MYLK3: variants seen among roughly 807,000 people sequenced by gnomAD.
MYLK3 encodes the protein myosin light chain kinase 3.
In MYLK3, 55 loss-of-function variants were observed where a neutral mutation model predicts 76.3. The observed-to-expected ratio is 0.72, with a 90% CI of 0.58 to 0.90. The LOEUF (loss-of-function observed/expected upper bound fraction) is 0.90, where lower values mean the gene tolerates loss of function less well. Ranked by LOEUF, MYLK3 falls within the 40% of genes least tolerant of loss-of-function variation. The pLI, the probability that MYLK3 is intolerant of heterozygous loss-of-function variation, is 0.00. For missense variants in MYLK3, 973 were observed against 1,053.6 expected (o/e 0.92, Z 1.06); for synonymous variants, 416 against 425.4 (o/e 0.98, Z 0.27).
intron 1 of MYLK3, among the ~76,000 whole-genome samples, chr16:46,758,982 A>AT (rs1967241957): frequency 6.6e-6 from 1 of 152,228 alleles, no homozygotes; most frequent in African/African-American, 2.4e-5. Context: ...CAGAAAGATG[A>AT]TAAAGCAACA....
intron 8 of MYLK3, among the ~76,000 whole-genome samples, chr16:46,725,586 A>G (rs1051185922): frequency 2.6e-5 from 4 of 152,190 alleles, no homozygotes; most frequent in African/African-American, 9.6e-5. Flanking sequence ...GTTGATTTTC[A>G]TATGTTAAAC....
intron 8 of MYLK3, chr16:46,726,594 A>G (rs1966840784): frequency 6.8e-6 from 1 of 147,244 alleles, no homozygotes; most frequent in African/African-American, 2.5e-5. Flanking sequence ...AGAGGAGAGA[A>G]GAGAGAGAGA....
chr16:46,730,730 T>C (rs1966850987), intron 4 of MYLK3, 32 bp from the exon 5 acceptor site: 2 of 1,594,652 alleles, frequency 1.3e-6, no homozygotes, highest in Non-Finnish European at 1.7e-6. Context: ...CCTGTGAGCC[T>C]CCTCTGTGCA....
intron 5 of MYLK3, 40 bp from the exon 6 acceptor site, chr16:46,729,727 G>A (rs1966848759): frequency 6.3e-7 from 1 of 1,575,706 alleles, no homozygotes; most frequent in South Asian, 1.1e-5. Flanking sequence ...AGAGCCCAGA[G>A]GCTCATCCCA....
In MYLK3 at chr16:46,747,734, C is replaced by A. The variant is rs1417866471; in HGVS notation, c.460G>T (p.Gly154Cys). The stretch of plus-strand genomic sequence containing the variant: ...GAACCAACCTCCTCAGGGCTGTCAC[C>A]TGGGCTGCCTCTCCTCCAGGGCACA... ...GRVPWRRGSP[G>C]DSPEENKERV... Residue 154 changes from glycine to cysteine, a missense_variant, in exon 1 of 13, where the codon GGT becomes TGT. Around this residue, in one of 2 missense-constraint regions of MYLK3, gnomAD observed 641 missense variants for 637.0 expected, o/e 1.01. Transcript: ENST00000394809. 1 of 1,613,774 alleles carries A rather than the reference C, an allele frequency of 6.2e-7. No homozygotes were observed. The highest frequency in any genetic ancestry group is 1.1e-5 in the South Asian group (1 of 91,034).
chr16:46,728,944 T>C, intron 7 of MYLK3, 80 bp downstream of exon 7: 3 of 1,029,998 alleles, frequency 2.9e-6, no homozygotes, highest in Non-Finnish European at 4.5e-6. Flanking sequence ...GAGAGAGGGC[T>C]TTGCCTCGAA....
rs1438501032 is a variant in MYLK3 at position 46,702,704 on chromosome 16, G to A, written c.*5000C>T. On this transcript the variant is annotated 3_prime_UTR_variant, in exon 13 of 13. Transcript: ENST00000394809. The stretch of plus-strand genomic sequence containing the variant: ...TGGGAGGCCGAGGTGGGCAGATCAC[G>A]AGGTCAAGAGATCGAGACCATCCTG... Among the ~76,000 whole-genome samples, 1 of 152,046 alleles carries A rather than the reference G, an allele frequency of 6.6e-6. No individual in the cohort carries two copies. Among genetic ancestry groups the A allele is most frequent in the South Asian group, 2.1e-4 (1 of 4,822 alleles).
intron 8 of MYLK3, among the ~76,000 whole-genome samples, chr16:46,724,218 A>G (rs146373933): frequency 6.1e-4 from 93 of 152,270 alleles, no homozygotes; most frequent in Non-Finnish European, 1.0e-3. Flanking sequence ...TATCTGATAT[A>G]TGATTTGGAA....
chr16:46,735,217 T>G (rs1352737620), intron 3 of MYLK3, among the ~76,000 whole-genome samples: 1 of 152,142 alleles, frequency 6.6e-6, no homozygotes, highest in Non-Finnish European at 1.5e-5. Flanking sequence ...ATTTATTTAT[T>G]TATTTGCAAC....
intron 10 of MYLK3, chr16:46,711,562 G>T: frequency 2.9e-6 from 1 of 339,522 alleles, no homozygotes; most frequent in Non-Finnish European, 5.8e-6. Context: ...CCAGGCTGGA[G>T]TGCTATGGTG....
intron 9 of MYLK3, among the ~76,000 whole-genome samples, chr16:46,714,062 T>A (rs376734056): frequency 6.6e-6 from 1 of 152,118 alleles, no homozygotes; most frequent in South Asian, 2.1e-4. Context: ...GGACATGAAG[T>A]TTAAGGCTAG....
rs1230166566 is a variant in MYLK3 at position 46,758,294 on chromosome 16, ACACACACACACTCTCTCTCT to A, written c.-114+4726_-114+4745del. On this transcript the variant is annotated intron_variant, in intron 1 of 11. Transcript: ENST00000536476. ...CACACACACACACACACACACACAC[ACACACACACACTCTCTCTCT>A]CTCTCTCTCTCTCTCTCTCTCTCTC... is the stretch of plus-strand genomic sequence containing the variant. Among the ~76,000 whole-genome samples the A allele has an allele frequency of 2.9e-4, 17 of 58,368 alleles. No individual in the cohort carries two copies. The South Asian group carries it at 4.7e-3, about 16-fold the overall frequency. 38.3% of individuals were successfully genotyped at this position (58,368 alleles called of 152,430 possible). A position where few individuals can be genotyped will look rare whatever the true frequency, so the allele number is the denominator to read the frequency against.
At chr16:46,726,713 G>GAAAGAAAC (rs1471082929) in intron 8 of MYLK3, 1 of 132,050 alleles carries the variant, frequency 7.6e-6, no homozygotes, top group African/African-American at 2.8e-5. Flanking sequence ...AAGAAAGAAA[G>GAAAGAAAC]AAAGAAAGAA....
At position 46,748,061 on chromosome 16, in the gene MYLK3, C is replaced by T; in HGVS notation, c.133G>A (p.Asp45Asn). 6.2e-7 allele frequency: 1 copy of T among 1,614,176 alleles called. No homozygotes were observed. Among genetic ancestry groups the T allele is most frequent in the Non-Finnish European group, 8.5e-7 (1 of 1,179,998 alleles). ...KVDQLLHFQE[D>N]VTEKLQSMCR... is the part of the protein sequence containing the mutation. ...ATGCTCTGCAACTTCTCTGTGACAT[C>T]TTCTTGGAAGTGCAGGAGCTGGTCC... is the stretch of plus-strand genomic sequence containing the variant. Residue 45 changes from aspartate to asparagine, a missense_variant, in exon 1 of 13, where the codon GAT becomes AAT. Coordinates refer to ENST00000394809, the MANE Select transcript of MYLK3 (RefSeq NM_182493.3). The surrounding 1 kb of genome is among the most constrained non-coding windows in gnomAD (Gnocchi z 4.3).
In MYLK3 at chr16:46,732,814, A is replaced by T. The variant is rs532744105; in HGVS notation, c.1002-146T>A. 2,940 of 637,776 alleles carry T rather than the reference A, an allele frequency of 4.6e-3. 12 individuals are homozygous for T. Among genetic ancestry groups the T allele is most frequent in the South Asian group, 6.7e-3 (274 of 40,742 alleles). The allele number at this position is 637,776 out of a possible 1,614,324, so 39.5% of individuals were successfully genotyped here. ...GGACACCAGGGCAGGAGCTGACTTC[A>T]GTGACAGTTGGTGCCATCAGCTCCC... On this transcript the variant is annotated intron_variant, in intron 3 of 12. Coordinates refer to ENST00000394809, the MANE Select transcript of MYLK3 (RefSeq NM_182493.3).
chr16:46,748,711 G>C (rs1967073510), upstream of MYLK3, among the ~76,000 whole-genome samples: 1 of 152,204 alleles, frequency 6.6e-6, no homozygotes, highest in Non-Finnish European at 1.5e-5. The surrounding 1 kb of genome is among the most constrained non-coding windows in gnomAD (Gnocchi z 4.3). Flanking sequence ...AGACAGAAAG[G>C]AATGTGAGAC....
intron 9 of MYLK3, among the ~76,000 whole-genome samples, chr16:46,717,598 C>G (rs569483122): frequency 1.8e-4 from 28 of 152,246 alleles, no homozygotes; most frequent in Non-Finnish European, 3.5e-4. Context: ...GGGCGCCCCC[C>G]CCACCTCCCC....
chr16:46,730,349 C>T (rs551082417), intron 5 of MYLK3, among the ~76,000 whole-genome samples: 11 of 152,290 alleles, frequency 7.2e-5, no homozygotes, highest in Admixed American at 7.2e-4. Context: ...ACAGGGTGCC[C>T]GCCCTCCTGA....
chr16:46,743,848 T>A (rs748940725), intron 1 of MYLK3, among the ~76,000 whole-genome samples: 5 of 152,188 alleles, frequency 3.3e-5, no homozygotes, highest in Non-Finnish European at 7.4e-5. Context: ...CTGTGAGTGA[T>A]GTTCAGTCCT....
Sources: gnomAD v4.1 joint callset for allele counts (sites outside exome capture counted in the v4.1 genomes callset) on GRCh38, gnomAD v4.1.1 for gene constraint, gnomAD v4.1.1 regional missense constraint, Gnocchi (gnomAD v3.1) non-coding constraint, MANE v1.5 for transcripts, NCBI Gene and HGNC (gene_info 2026-07-23, HGNC 2026-07-21) for gene names.